Variants in LOC128092252 observed in about 807,000 individuals in gnomAD.
chr15:50,652,817 A>G, the LOC128092252 span, among the ~76,000 whole-genome samples: 1 of 152,098 alleles, frequency 6.6e-6, no homozygotes, highest in Non-Finnish European at 1.5e-5. Context: ...CTTGGGTAAC[A>G]AAAGGAACTC....
the LOC128092252 span, chr15:50,663,133 CTT>C: frequency 9.7e-4 from 777 of 797,914 alleles, no homozygotes; most frequent in South Asian, 1.3e-3. Flanking sequence ...ATAAACAGTT[CTT>C]TTTTTTTTTT....
At chr15:50,670,215 G>T in the LOC128092252 span, among the ~76,000 whole-genome samples, 3 of 152,066 alleles carry the variant, frequency 2.0e-5, no homozygotes, top group East Asian at 1.9e-4. Context: ...CAACCCTTAG[G>T]ATGAAGGATT....
At chr15:50,652,669 C>T in the LOC128092252 span, among the ~76,000 whole-genome samples, 2 of 151,690 alleles carry the variant, frequency 1.3e-5, no homozygotes, top group Admixed American at 6.6e-5. Flanking sequence ...TAAGTGGGTA[C>T]ATTTCCCAAT....
the LOC128092252 span, among the ~76,000 whole-genome samples, chr15:50,674,142 C>T: frequency 6.6e-6 from 1 of 152,166 alleles, no homozygotes; most frequent in Non-Finnish European, 1.5e-5. Flanking sequence ...GTACCTGCCA[C>T]CACGCCCAGC....
chr15:50,668,037 T>C, the LOC128092252 span, among the ~76,000 whole-genome samples: 1 of 152,222 alleles, frequency 6.6e-6, no homozygotes, highest in African/African-American at 2.4e-5. Context: ...GTAACCAAAA[T>C]TCTTTGTCAA....
chr15:50,666,349 A>G, the LOC128092252 span, among the ~76,000 whole-genome samples: 1 of 152,022 alleles, frequency 6.6e-6, no homozygotes, highest in East Asian at 1.9e-4. Flanking sequence ...CTGAAGCCAG[A>G]GGATCATCTG....
At chr15:50,680,753 T>G in the LOC128092252 span, among the ~76,000 whole-genome samples, 3 of 152,160 alleles carry the variant, frequency 2.0e-5, no homozygotes, top group Non-Finnish European at 4.4e-5. Flanking sequence ...TAACTTGACA[T>G]AACACCTGTC....
chr15:50,649,062 C>G, the LOC128092252 span, among the ~76,000 whole-genome samples: 1,050 of 152,012 alleles, frequency 6.9e-3, 8 homozygotes, highest in Non-Finnish European at 8.4e-3. Context: ...CATCATAGCA[C>G]TGAAATAGTA....
chr15:50,683,477 G>A, the LOC128092252 span, among the ~76,000 whole-genome samples: 1 of 151,742 alleles, frequency 6.6e-6, no homozygotes, highest in Non-Finnish European at 1.5e-5. Flanking sequence ...GCTCACGCCT[G>A]TAATCCCAAC....
chr15:50,671,571 G>A, the LOC128092252 span, among the ~76,000 whole-genome samples: 1 of 152,080 alleles, frequency 6.6e-6, no homozygotes, highest in Non-Finnish European at 1.5e-5. Flanking sequence ...TGCCGTGGGA[G>A]GAGGAGATGA....
At chr15:50,657,833 A>T in the LOC128092252 span, 1 of 1,605,188 alleles carries the variant, frequency 6.2e-7, no homozygotes, top group Non-Finnish European at 8.5e-7. Flanking sequence ...TTGAACACAA[A>T]AAGGTAAATA....
the LOC128092252 span, among the ~76,000 whole-genome samples, chr15:50,671,274 T>G: frequency 2.6e-5 from 4 of 152,098 alleles, no homozygotes; most frequent in African/African-American, 9.7e-5. Context: ...TCAGTTCAAT[T>G]TTTTAGATTC....
the LOC128092252 span, among the ~76,000 whole-genome samples, chr15:50,668,203 A>G: frequency 6.6e-6 from 1 of 152,214 alleles, no homozygotes; most frequent in Non-Finnish European, 1.5e-5. Flanking sequence ...AGACTCTAAC[A>G]TTAGAATAAA....
chr15:50,674,473 TG>T, the LOC128092252 span, among the ~76,000 whole-genome samples: 1 of 152,216 alleles, frequency 6.6e-6, no homozygotes, highest in Non-Finnish European at 1.5e-5. Flanking sequence ...ACAATGTATA[TG>T]TTTTTGTACT....
the LOC128092252 span, among the ~76,000 whole-genome samples, chr15:50,666,437 GAGA>G: frequency 6.6e-6 from 1 of 151,618 alleles, no homozygotes; most frequent in African/African-American, 2.4e-5. Flanking sequence ...TGAGAGAAGG[GAGA>G]AGAAGGTAGA....
chr15:50,660,971 A>G, the LOC128092252 span, among the ~76,000 whole-genome samples: 1 of 150,772 alleles, frequency 6.6e-6, no homozygotes, highest in Non-Finnish European at 1.5e-5. Context: ...AATATTAACT[A>G]CCATTCCTTT....
chr15:50,671,422 T>C, the LOC128092252 span, among the ~76,000 whole-genome samples: 5 of 152,320 alleles, frequency 3.3e-5, no homozygotes, highest in South Asian at 6.2e-4. Flanking sequence ...CCTTTGTGCA[T>C]ACTGTCATGT....
the LOC128092252 span, among the ~76,000 whole-genome samples, chr15:50,679,517 T>TATATAC: frequency 5.4e-3 from 195 of 36,414 alleles, 7 homozygotes; most frequent in African/African-American, 0.023. Flanking sequence ...ATATAATATA[T>TATATAC]ATATATATAT....
chr15:50,666,405 T>C, the LOC128092252 span, among the ~76,000 whole-genome samples: 94 of 151,284 alleles, frequency 6.2e-4, no homozygotes, highest in Non-Finnish European at 1.2e-3. Flanking sequence ...CATGCCACCG[T>C]ACTCCAGCCT....
Sources: allele counts gnomAD v4.1 joint callset (sites outside exome capture counted in the v4.1 genomes callset), GRCh38; gene constraint gnomAD v4.1.1; transcripts MANE v1.5.